FSTL5: variants seen among roughly 807,000 people sequenced by gnomAD.
FSTL5 encodes the protein follistatin like 5, also known as follistatin-related protein 5.
A neutral mutation model predicts 89.1 loss-of-function variants in FSTL5; 62 were observed. The observed-to-expected ratio is 0.70, with a 90% CI of 0.57 to 0.86. FSTL5 has a LOEUF of 0.86. Ranked by LOEUF, FSTL5 falls within the 40% of genes least tolerant of loss-of-function variation. FSTL5 has a pLI of 0.00. For missense variants in FSTL5, 1,057 were observed against 1,001.6 expected (o/e 1.06, Z -0.75); for synonymous variants, 383 against 346.2 (o/e 1.11, Z -1.18).
At chr4:161,790,383 G>A (rs1284550869) in intron 4 of FSTL5, among the ~76,000 whole-genome samples, 1 of 152,158 alleles carries the variant, frequency 6.6e-6, no homozygotes, top group East Asian at 1.9e-4. Context: ...ACCCTCCAGT[G>A]AATACAAACC....
At chr4:161,425,918 TA>T in intron 15 of FSTL5, among the ~76,000 whole-genome samples, 1 of 151,650 alleles carries the variant, frequency 6.6e-6, no homozygotes, top group East Asian at 2.0e-4. Context: ...GGGTAGAGCT[TA>T]AAGGTGCTGT....
chr4:161,789,480 G>C (rs536564970), intron 4 of FSTL5, among the ~76,000 whole-genome samples: 21 of 152,196 alleles, frequency 1.4e-4, no homozygotes, highest in South Asian at 1.0e-3. Flanking sequence ...AATTCTGATG[G>C]GAAGAAATTC....
intron 7 of FSTL5, among the ~76,000 whole-genome samples, chr4:161,652,263 C>T (rs891238343): frequency 2.0e-5 from 3 of 152,182 alleles, no homozygotes; most frequent in African/African-American, 7.2e-5. Flanking sequence ...CCAGAAACCC[C>T]ATCTCTACAA....
At chr4:161,999,245 T>C (rs2111100440) in intron 3 of FSTL5, among the ~76,000 whole-genome samples, 1 of 152,322 alleles carries the variant, frequency 6.6e-6, no homozygotes, top group Middle Eastern at 3.4e-3. Context: ...ATTATAGATA[T>C]TCTCTGATTA....
intron 12 of FSTL5, among the ~76,000 whole-genome samples, chr4:161,499,203 A>C (rs1250295938): frequency 2.6e-5 from 4 of 152,188 alleles, no homozygotes; most frequent in East Asian, 3.9e-4. Context: ...TTCTGTCTTA[A>C]AATAAAATAA....
intron 7 of FSTL5, among the ~76,000 whole-genome samples, chr4:161,635,997 T>C (rs982368710): frequency 6.6e-6 from 1 of 152,170 alleles, no homozygotes; most frequent in African/African-American, 2.4e-5. Flanking sequence ...TTAATTGTGT[T>C]TTTGTTCCCT....
At chr4:161,852,442 ATT>A (rs1389901838) in intron 4 of FSTL5, among the ~76,000 whole-genome samples, 1 of 152,178 alleles carries the variant, frequency 6.6e-6, no homozygotes, top group Admixed American at 6.5e-5. Context: ...AATGGCAATT[ATT>A]AAAAAGTATA....
At chr4:162,077,727 G>C (rs999044141) in intron 2 of FSTL5, among the ~76,000 whole-genome samples, 5 of 151,748 alleles carry the variant, frequency 3.3e-5, no homozygotes, top group Admixed American at 3.3e-4. Flanking sequence ...GTGTAATTAT[G>C]AGCATTCTGG....
chr4:161,835,511 C>G (rs934846547), intron 4 of FSTL5, among the ~76,000 whole-genome samples: 42 of 152,080 alleles, frequency 2.8e-4, no homozygotes, highest in Middle Eastern at 3.4e-3. Flanking sequence ...TCAGAGTGAA[C>G]AGGCAACCTA....
chr4:161,775,541 T>C (rs564606024), intron 5 of FSTL5, among the ~76,000 whole-genome samples: 6 of 152,246 alleles, frequency 3.9e-5, no homozygotes, highest in African/African-American at 7.2e-5. Context: ...TATTGACTTA[T>C]AGAAAGTTAA....
At chr4:161,800,892 T>G (rs916332817) in intron 4 of FSTL5, among the ~76,000 whole-genome samples, 1 of 151,592 alleles carries the variant, frequency 6.6e-6, no homozygotes, top group African/African-American at 2.4e-5. Context: ...GTGAATATTA[T>G]GAAACATATT....
At chr4:161,446,459 AAC>A (rs759213455) in intron 15 of FSTL5, among the ~76,000 whole-genome samples, 13 of 152,054 alleles carry the variant, frequency 8.5e-5, no homozygotes, top group Non-Finnish European at 1.6e-4. Flanking sequence ...TCATTTTAAT[AAC>A]AGTTGCATCA....
At chr4:161,787,370 T>C (rs1336806964) in intron 4 of FSTL5, among the ~76,000 whole-genome samples, 1 of 152,044 alleles carries the variant, frequency 6.6e-6, no homozygotes, top group African/African-American at 2.4e-5. Flanking sequence ...TGATTGTAAA[T>C]GAGATTGATA....
At chr4:161,501,501 A>G (rs530129721) in intron 11 of FSTL5, among the ~76,000 whole-genome samples, 2 of 152,162 alleles carry the variant, frequency 1.3e-5, no homozygotes, top group Admixed American at 6.6e-5. Context: ...TAGTGTGCAT[A>G]CAATTTTTCT....
At chr4:161,849,545 AC>A (rs1731486275) in intron 4 of FSTL5, among the ~76,000 whole-genome samples, 1 of 151,862 alleles carries the variant, frequency 6.6e-6, no homozygotes. Flanking sequence ...ACACACACAC[AC>A]ACACACACAC....
Position 162,104,471 on chromosome 4 carries a change from C to T in FSTL5, c.126+6800G>A, listed in dbSNP as rs150321122. On this transcript the variant is annotated intron_variant, in intron 2 of 15. Coordinates refer to ENST00000306100, the MANE Select transcript of FSTL5 (RefSeq NM_020116.5). ...GCTCTGAGAGCAAGGACCCACTCCC[C>T]GACCCCTGTAACACTATAATAAAGA... 4.5e-3 allele frequency among the ~76,000 whole-genome samples: 678 copies of T among 152,272 alleles called. 5 individuals are homozygous for T. The highest frequency in any genetic ancestry group is 0.015 in the African/African-American group (621 of 41,550).
At chr4:161,551,361 T>G (rs1732206073) in intron 8 of FSTL5, among the ~76,000 whole-genome samples, 1 of 151,224 alleles carries the variant, frequency 6.6e-6, no homozygotes, top group Admixed American at 6.6e-5. Flanking sequence ...TTCATGTGTT[T>G]TTTGGCTGCA....
chr4:161,562,580 T>C (rs137965082), intron 8 of FSTL5, among the ~76,000 whole-genome samples: 1 of 151,246 alleles, frequency 6.6e-6, no homozygotes, highest in Non-Finnish European at 1.5e-5. Context: ...CTTAATTACC[T>C]ATTTTTTGAT....
intron 4 of FSTL5, among the ~76,000 whole-genome samples, chr4:161,813,400 T>G (rs1330598894): frequency 6.6e-6 from 1 of 152,054 alleles, no homozygotes; most frequent in Non-Finnish European, 1.5e-5. Context: ...TGGTAATAAT[T>G]TAAAAAAGTA....
Sources: gnomAD v4.1 joint callset for allele counts (sites outside exome capture counted in the v4.1 genomes callset) on GRCh38, gnomAD v4.1.1 for gene constraint, MANE v1.5 for transcripts, NCBI Gene and HGNC (gene_info 2026-07-23, HGNC 2026-07-21) for gene names.